DUSP29: variants seen among roughly 807,000 people sequenced by gnomAD.
DUSP29 encodes atypical dual-specific protein phosphatase.
In DUSP29, 12 loss-of-function variants were observed where a neutral mutation model predicts 13.5. That is an observed-to-expected ratio of 0.89 (90% CI 0.57 to 1.44). The LOEUF (loss-of-function observed/expected upper bound fraction) is 1.44. Among genes scored for constraint, DUSP29 ranks in the 40% most tolerant of loss-of-function variants. The probability of loss-of-function intolerance (pLI) is 0.00; values close to 1 mark genes in which losing one functional copy is unlikely to be tolerated. For synonymous variants in DUSP29, 134 were observed against 128.7 expected (o/e 1.04, Z -0.28); for missense variants, 308 against 301.1 (o/e 1.02, Z -0.17).
chr10:75,043,554 G>A (rs1435537143), intron 3 of DUSP29, among the ~76,000 whole-genome samples: 1 of 152,196 alleles, frequency 6.6e-6, no homozygotes, highest in Admixed American at 6.5e-5. Flanking sequence ...GCTTCCAGGG[G>A]CTCGGACCTT....
chr10:75,040,216 G>A (rs1335237897), intron 3 of DUSP29, among the ~76,000 whole-genome samples: 1 of 152,042 alleles, frequency 6.6e-6, no homozygotes, highest in East Asian at 1.9e-4. Flanking sequence ...AAATCTGGTC[G>A]GTTAAAGCTT....
rs1031583916 is a variant in DUSP29 at position 75,073,634 on chromosome 10, C to A, written c.-100G>T. Among the ~76,000 whole-genome samples, 1 of 152,212 alleles carries A rather than the reference C, an allele frequency of 6.6e-6. No homozygotes were observed. Among genetic ancestry groups the A allele is most frequent in the African/African-American group, 2.4e-5 (1 of 41,456 alleles). ...CCGTGGGGCATGTAGCAGCCGCACG[C>A]CCAGCCACCCCCACTGGCAACAGAG... On this transcript the variant is annotated 5_prime_UTR_variant, in exon 1 of 4. Transcript: ENST00000338487.
chr10:75,072,176 C>A (rs1847344580), intron 1 of DUSP29, among the ~76,000 whole-genome samples: 1 of 152,188 alleles, frequency 6.6e-6, no homozygotes, highest in Non-Finnish European at 1.5e-5. Flanking sequence ...TACAGAAATC[C>A]CTCTGTCCTT....
chr10:75,039,214 G>A (rs949458755), intron 3 of DUSP29, among the ~76,000 whole-genome samples: 1 of 152,146 alleles, frequency 6.6e-6, no homozygotes, highest in Non-Finnish European at 1.5e-5. Context: ...CAGAGCCCTT[G>A]AGGCATGCCT....
intron 2 of DUSP29, among the ~76,000 whole-genome samples, chr10:75,047,763 A>C (rs566698688): frequency 6.6e-6 from 1 of 152,328 alleles, no homozygotes; most frequent in East Asian, 1.9e-4. Context: ...CACATGCTCA[A>C]TGTAGAATGT....
chr10:75,054,564 G>A (rs914344483), intron 2 of DUSP29, among the ~76,000 whole-genome samples: 8 of 152,042 alleles, frequency 5.3e-5, no homozygotes, highest in East Asian at 3.8e-4. Context: ...AGTAATATTC[G>A]GAAAGTCTAG....
At chr10:75,062,249 A>G (rs572409028) in intron 1 of DUSP29, among the ~76,000 whole-genome samples, 1 of 152,344 alleles carries the variant, frequency 6.6e-6, no homozygotes, top group African/African-American at 2.4e-5. Flanking sequence ...CGAAGTGAGT[A>G]GAAGCTGGGC....
At chr10:75,047,532 T>C (rs1846731700) in intron 2 of DUSP29, among the ~76,000 whole-genome samples, 1 of 152,214 alleles carries the variant, frequency 6.6e-6, no homozygotes, top group Non-Finnish European at 1.5e-5. Flanking sequence ...CACAGGGGCA[T>C]TTTGAGGTGA....
intron 1 of DUSP29, among the ~76,000 whole-genome samples, chr10:75,069,207 G>T (rs1050323780): frequency 3.9e-5 from 6 of 152,186 alleles, no homozygotes; most frequent in African/African-American, 1.4e-4. Context: ...TTTGGCAGAG[G>T]AGGGCCTCCC....
intron 2 of DUSP29, among the ~76,000 whole-genome samples, chr10:75,055,843 G>A (rs1407659208): frequency 4.6e-5 from 7 of 152,202 alleles, no homozygotes. Flanking sequence ...CTGAGAAATT[G>A]TGGGTAAATT....
intron 2 of DUSP29, among the ~76,000 whole-genome samples, chr10:75,056,680 AG>A (rs113111799): frequency 7.9e-5 from 12 of 152,050 alleles, no homozygotes; most frequent in African/African-American, 2.9e-4. Flanking sequence ...AAAAAAAAAA[AG>A]TAAACCCTTT....
intron 2 of DUSP29, among the ~76,000 whole-genome samples, chr10:75,048,462 G>C (rs542343343): frequency 6.7e-6 from 1 of 149,994 alleles, no homozygotes; most frequent in South Asian, 2.1e-4. Flanking sequence ...GCGCAATCTC[G>C]GCTCACTGCT....
At chr10:75,066,764 C>T (rs568891051) in intron 1 of DUSP29, among the ~76,000 whole-genome samples, 8 of 152,098 alleles carry the variant, frequency 5.3e-5, no homozygotes, top group South Asian at 2.1e-4. Flanking sequence ...CCAGTGGCAC[C>T]GAGTGCCTCC....
intron 1 of DUSP29, among the ~76,000 whole-genome samples, chr10:75,071,861 C>T (rs942346856): frequency 1.3e-5 from 2 of 152,202 alleles, no homozygotes; most frequent in Admixed American, 6.5e-5. Flanking sequence ...ACCGGCTGGA[C>T]GTACTGAGGA....
chr10:75,041,177 TG>T (rs1228861921), intron 3 of DUSP29, among the ~76,000 whole-genome samples: 2 of 152,192 alleles, frequency 1.3e-5, no homozygotes, highest in African/African-American at 4.8e-5. Flanking sequence ...CAACTGCATG[TG>T]GCAGGTGGGC....
chr10:75,037,945 G>C lies in DUSP29; in HGVS notation c.554C>G (p.Pro185Arg). 4.3e-6 allele frequency: 7 copies of C among 1,613,906 alleles called. No homozygotes were observed. The highest frequency in any genetic ancestry group is 5.9e-6 in the Non-Finnish European group (7 of 1,180,030). Residue 185 changes from proline to arginine, a missense_variant, in exon 4 of 4, where the codon CCG (proline) becomes CGG (arginine). Coordinates refer to ENST00000338487, the MANE Select transcript of DUSP29 (RefSeq NM_001003892.3). ...GAGCTGCTTCAAAAAGCCCCGGTTC[G>C]GGAGGACGCAGCGGTTCTTGGCCAC... The part of the protein sequence containing the change: ...QQVAKNRCVL[P>R]NRGFLKQLRE...
At chr10:75,064,778 T>TA (rs1355371936) in intron 1 of DUSP29, among the ~76,000 whole-genome samples, 2 of 151,654 alleles carry the variant, frequency 1.3e-5, no homozygotes, top group Admixed American at 1.3e-4. Flanking sequence ...ACTTTATGCA[T>TA]AAAAAAACCC....
intron 1 of DUSP29, among the ~76,000 whole-genome samples, chr10:75,071,137 C>T (rs531406289): frequency 3.0e-4 from 45 of 152,262 alleles, no homozygotes; most frequent in African/African-American, 9.9e-4. Flanking sequence ...GTTCTGGCCT[C>T]TGCCCCTGTT....
At chr10:75,072,381 A>G (rs913635735) in intron 1 of DUSP29, among the ~76,000 whole-genome samples, 1 of 152,080 alleles carries the variant, frequency 6.6e-6, no homozygotes, top group African/African-American at 2.4e-5. Context: ...CTGGGTACTG[A>G]ACAAGCGAGC....
Sources: gnomAD v4.1 joint callset for allele counts (sites outside exome capture counted in the v4.1 genomes callset) on GRCh38, gnomAD v4.1.1 for gene constraint, MANE v1.5 for transcripts, NCBI Gene and HGNC (gene_info 2026-07-23, HGNC 2026-07-21) for gene names.